The following DSC2 variants were observed in gnomAD, a reference collection of about 807,000 sequenced individuals.
DSC2 encodes the protein desmocollin 2, also known as desmocollin-2.
Under a neutral mutation model 87.6 loss-of-function variants are expected in DSC2, and 51 were observed. The ratio of observed to expected loss-of-function variants is 0.58; its 90% confidence interval spans 0.46 to 0.74. The LOEUF is 0.74. DSC2 is among the 30% of genes least tolerant of loss of function. The probability of loss-of-function intolerance (pLI) is 0.00; values close to 1 mark genes in which losing one functional copy is unlikely to be tolerated. For missense variants in DSC2, 1,066 were observed against 1,089.5 expected (o/e 0.98, Z 0.30); for synonymous variants, 383 against 393.2 (o/e 0.97, Z 0.31).
At chr18:31,086,866 C>T in intron 6 of DSC2, 124 bp from the exon 7 acceptor site, 5 of 1,056,008 alleles carry the variant, frequency 4.7e-6, no homozygotes, top group Non-Finnish European at 5.6e-6. Context: ...AAAGTCATGG[C>T]TTTTATAAAT....
chr18:31,083,133 C>T, intron 7 of DSC2, 73 bp from the exon 8 acceptor site: 2 of 1,538,788 alleles, frequency 1.3e-6, no homozygotes, highest in Non-Finnish European at 1.8e-6. Flanking sequence ...CTTTACACTC[C>T]ATAATTTTTT....
chr18:31,074,535 G>C (rs559245948), intron 12 of DSC2, 148 bp downstream of exon 12: 1 of 736,008 alleles, frequency 1.4e-6, no homozygotes, highest in Admixed American at 2.3e-5. Context: ...AGACACACTA[G>C]AGAGACCTAC....
rs1015861853 is a variant in DSC2, at chr18:31,084,053, C to T, written c.943-993G>A. Among the ~76,000 whole-genome samples the T allele has an allele frequency of 2.6e-5, 4 of 152,108 alleles. No individual in the cohort carries two copies. In the South Asian group the frequency reaches 6.2e-4, roughly 24 times the overall value. On this transcript the variant is annotated intron_variant, in intron 7 of 15. Coordinates refer to ENST00000280904, the MANE Select transcript of DSC2 (RefSeq NM_024422.6). Reference sequence around the variant, plus strand: ...CTTTCCTACCTAATTTATCTCTTTTCATAAGACAAAATAGCATGTTAAAAT... The same window carrying T: ...CTTTCCTACCTAATTTATCTCTTTTTATAAGACAAAATAGCATGTTAAAAT...
At chr18:31,091,769 C>T (rs1454490030) in intron 3 of DSC2, among the ~76,000 whole-genome samples, 1 of 152,124 alleles carries the variant, frequency 6.6e-6, no homozygotes, top group Non-Finnish European at 1.5e-5. Context: ...AAAAGCTTTC[C>T]TTTCTTTATA....
chr18:31,094,043 T>A (rs1052853927), intron 1 of DSC2, among the ~76,000 whole-genome samples: 1 of 152,100 alleles, frequency 6.6e-6, no homozygotes, highest in Non-Finnish European at 1.5e-5. Context: ...TCAGCTTTGT[T>A]TACTATATTG....
intron 13 of DSC2, among the ~76,000 whole-genome samples, chr18:31,071,276 TTGACTCACGCC>T (rs1398044371): frequency 2.0e-5 from 3 of 152,056 alleles, no homozygotes; most frequent in Non-Finnish European, 4.4e-5. Context: ...GCCAGGTGTG[TTGACTCACGCC>T]TGTAATCCCA....
intron 8 of DSC2, 121 bp downstream of exon 8, chr18:31,082,805 G>A (rs1178036781): frequency 2.5e-5 from 28 of 1,119,262 alleles, no homozygotes; most frequent in East Asian, 7.8e-5. Flanking sequence ...TGATCCGCCC[G>A]CCTCGGCCTC....
At chr18:31,070,162 A>G (rs1477128703) in intron 14 of DSC2, among the ~76,000 whole-genome samples, 3 of 152,174 alleles carry the variant, frequency 2.0e-5, no homozygotes, top group Non-Finnish European at 4.4e-5. Context: ...CTAGTCATCA[A>G]TTACACTTCT....
chr18:31,099,232 G>T (rs1987856355), intron 1 of DSC2, among the ~76,000 whole-genome samples: 1 of 151,828 alleles, frequency 6.6e-6, no homozygotes, highest in Admixed American at 6.6e-5. Flanking sequence ...AAAGAGTGTA[G>T]ATTCCAAAGG....
chr18:31,068,911 G>A lies in DSC2; in HGVS notation c.2491C>T (p.Gln831Ter), dbSNP rs1200529847. The change falls in exon 15 of 16, where the codon CAG becomes TAG. Residue 831 changes from glutamine to a stop codon, truncating the protein, a stop_gained. Transcript: ENST00000280904. LOFTEE classifies it low-confidence loss of function (END_TRUNC). ...YTYSEWHSFT[Q>*]PRLGEKVYLC... ...AAACTCACTTCACCAAGACGGGGCT[G>A]AGTAAAACTGTGCCACTCCGAGTAA... 6.2e-7 allele frequency: 1 copy of A among 1,613,616 alleles called. No individual in the cohort carries two copies. Among genetic ancestry groups the A allele is most frequent in the East Asian group, 2.2e-5 (1 of 44,874 alleles).
At chr18:31,090,902 T>C in intron 4 of DSC2, 126 bp downstream of exon 4, 1 of 1,357,306 alleles carries the variant, frequency 7.4e-7, no homozygotes, top group Non-Finnish European at 1.0e-6. Flanking sequence ...TATGGAAACA[T>C]ATTATACACA....
intron 11 of DSC2, among the ~76,000 whole-genome samples, chr18:31,078,286 A>T (rs1448100330): frequency 8.5e-5 from 13 of 152,216 alleles, no homozygotes; most frequent in African/African-American, 3.1e-4. Context: ...TTACTGATTC[A>T]CAGTTCTCTC....
In DSC2 at chr18:31,093,818, TTTAA is replaced by T. The variant is rs1417094325; in HGVS notation, c.70-179_70-176del. The stretch of plus-strand genomic sequence containing the variant: ...TACACTAAATATTAATTTTAAAATA[TTTAA>T]TTAAATATAAATACATGAATTTATA... On this transcript the variant is annotated intron_variant, in intron 1 of 15. Transcript: ENST00000280904. Among the ~76,000 whole-genome samples the T allele has an allele frequency of 1.1e-4, 17 of 149,310 alleles. No individual in the cohort carries two copies. The East Asian group carries it at 1.4e-3, about 12-fold the overall frequency.
chr18:31,066,554 TG>T lies in DSC2; in HGVS notation c.*1460del. On this transcript the variant is annotated 3_prime_UTR_variant, in exon 16 of 16. Transcript: ENST00000280904. Reference sequence around the variant, plus strand: ...ATTGTTATAACCCAATCTTGTGAATTGAAGACAGGCACATTATAGATAATCA... The same window carrying T: ...ATTGTTATAACCCAATCTTGTGAATTAAGACAGGCACATTATAGATAATCA... The T allele has an allele frequency of 6.6e-6, 1 of 152,300 alleles. No homozygotes were observed. The allele number at this position is 152,300 out of a possible 1,614,324, so 9.4% of individuals were successfully genotyped here. A position where few individuals can be genotyped will look rare whatever the true frequency, so the allele number is the denominator to read the frequency against.
At chr18:31,101,808 T>TTC in intron 1 of DSC2, 95 bp downstream of exon 1, 1 of 1,323,904 alleles carries the variant, frequency 7.6e-7, no homozygotes, top group Admixed American at 2.3e-5. Flanking sequence ...CCCCAGCTTT[T>TTC]CCCGCCACCC....
At chr18:31,091,589 A>G (rs1309856327) in intron 3 of DSC2, 1 of 458,868 alleles carries the variant, frequency 2.2e-6, no homozygotes, top group South Asian at 1.5e-5. Context: ...TGAGGAGAGA[A>G]ACACGGTGAC....
chr18:31,075,712 T>C lies in DSC2; in HGVS notation c.1664-805A>G, dbSNP rs149917766. Among the ~76,000 whole-genome samples, 887 of 152,172 alleles carry C rather than the reference T, an allele frequency of 5.8e-3. 7 individuals are homozygous for C. Among genetic ancestry groups the C allele is most frequent in the Non-Finnish European group, 9.3e-3 (634 of 68,006 alleles). On this transcript the variant is annotated intron_variant, in intron 11 of 15. Transcript: ENST00000280904. The stretch of plus-strand genomic sequence containing the variant: ...CTAAAAATACAAAATTAGCCAGGCA[T>C]GGTGGCACATGCCTATAATATCAGC...
intron 7 of DSC2, 57 bp downstream of exon 7, chr18:31,086,519 A>T (rs1335408008): frequency 1.2e-5 from 19 of 1,593,724 alleles, no homozygotes; most frequent in Non-Finnish European, 1.6e-5. Flanking sequence ...TACAGGAGTT[A>T]TACAGGTACT....
chr18:31,096,393 G>A (rs1987761727), intron 1 of DSC2, among the ~76,000 whole-genome samples: 1 of 152,166 alleles, frequency 6.6e-6, no homozygotes, highest in Non-Finnish European at 1.5e-5. Flanking sequence ...TGCTTTGCTG[G>A]CCTCTGGAGA....
Sources: allele counts gnomAD v4.1 joint callset (sites outside exome capture counted in the v4.1 genomes callset), GRCh38; gene constraint gnomAD v4.1.1; transcripts MANE v1.5; gene names NCBI Gene and HGNC (gene_info 2026-07-23, HGNC 2026-07-21).